Variants in INTS1 observed in about 807,000 individuals in gnomAD.
The protein encoded by INTS1 is integrator complex subunit 1.
In INTS1, 137 loss-of-function variants were observed where a neutral mutation model predicts 241.6. That is an observed-to-expected ratio of 0.57 (90% CI 0.49 to 0.65). The LOEUF is 0.65. Among genes scored for constraint, INTS1 ranks in the 30% least tolerant of loss-of-function variants. INTS1 has a pLI of 0.00. For synonymous variants in INTS1, 1,692 were observed against 1,337.8 expected (o/e 1.26, Z -5.78); for missense variants, 3,073 against 3,032.2 (o/e 1.01, Z -0.32).
At chr7:1,498,602 C>T (rs368213016) in intron 9 of INTS1, 49 bp from the exon 10 acceptor site, 62 of 1,596,788 alleles carry the variant, frequency 3.9e-5, no homozygotes, top group Middle Eastern at 2.1e-4. Flanking sequence ...CCTGTGCCCC[C>T]ACTCCGCCTG....
chr7:1,483,926 C>G, intron 25 of INTS1, 73 bp from the exon 26 acceptor site: 1 of 1,584,650 alleles, frequency 6.3e-7, no homozygotes, highest in Non-Finnish European at 8.6e-7. Flanking sequence ...ACCCAGCTGG[C>G]ACCGAGCGTG....
In INTS1 at chr7:1,499,456, C is replaced by CT. The variant is rs1261914826; in HGVS notation, c.844+16dup. On this transcript the variant is annotated intron_variant, in intron 6 of 47. Transcript: ENST00000404767. ...GGGCTTGGACACCCGCCCTCTCTGG[C>CT]TGGCCGTGTGTCTCACCTGCACCCA... is the stretch of plus-strand genomic sequence containing the variant. 1 of 1,350,398 alleles carries CT rather than the reference C, an allele frequency of 7.4e-7. No individual in the cohort carries two copies. Among genetic ancestry groups the CT allele is most frequent in the East Asian group, 4.4e-5 (1 of 22,546 alleles). The allele number at this position is 1,350,398 out of a possible 1,614,324, so 83.7% of individuals were successfully genotyped here.
chr7:1,484,490 G>C (rs919933496), intron 24 of INTS1, among the ~76,000 whole-genome samples: 1 of 152,202 alleles, frequency 6.6e-6, no homozygotes, highest in African/African-American at 2.4e-5. Context: ...ACTTTCACTA[G>C]GTCACAGCGC....
rs200805218 is a variant in INTS1 at position 1,484,056 on chromosome 7, G to A, written c.3376C>T (p.Arg1126Cys). Residue 1126 changes from arginine (R) to cysteine (C), a missense_variant, in exon 25 of 48, where the codon CGC becomes TGC. Coordinates refer to ENST00000404767, the MANE Select transcript of INTS1 (RefSeq NM_001080453.3). ...CTCTGCCGCATGCGCCTCACGTAGC[G>A]TGAGAAGATGGACAACAGAGCGCTC... is the stretch of plus-strand genomic sequence containing the variant. Reference protein sequence around the residue: ...VLSALLSIFSRYVRRMRQSKE... With the variant: ...VLSALLSIFSCYVRRMRQSKE... 184 of 1,612,378 alleles carry A rather than the reference G, an allele frequency of 1.1e-4. No individual in the cohort carries two copies. The highest frequency in any genetic ancestry group is 1.3e-4 in the Admixed American group (8 of 60,016).
In INTS1 at chr7:1,494,883, C is replaced by T. The variant is rs746283362; in HGVS notation, c.1843G>A (p.Val615Met). The change falls in exon 14 of 48, where the codon GTG becomes ATG. Residue 615 changes from valine (V) to methionine (M), a missense_variant. Transcript: ENST00000404767. ...GTCTCCGGCTGCTCTGTGAACAGCA[C>T]CTTGTGCAGGCTGGGCAGGCAGAGA... ...PKDYVHCLHKVLFTEQPETYY... is the reference protein window; with the variant it reads ...PKDYVHCLHKMLFTEQPETYY... 8 of 1,562,812 alleles carry T rather than the reference C, an allele frequency of 5.1e-6. No individual in the cohort carries two copies. The highest frequency in any genetic ancestry group is 6.1e-6 in the Non-Finnish European group (7 of 1,154,156).
At chr7:1,483,620 G>T in intron 26 of INTS1, 122 bp downstream of exon 26, 1 of 759,204 alleles carries the variant, frequency 1.3e-6, no homozygotes. Context: ...AGGACACAGG[G>T]TTGAAGGGCT....
chr7:1,484,984 T>C (rs1475754675), intron 24 of INTS1, 114 bp downstream of exon 24: 3 of 407,674 alleles, frequency 7.4e-6, no homozygotes, highest in Non-Finnish European at 4.5e-6. Context: ...GCTGGCCCCG[T>C]CCCCTCCCCA....
chr7:1,487,292 C>G, intron 20 of INTS1, 28 bp downstream of exon 20: 1 of 1,568,052 alleles, frequency 6.4e-7, no homozygotes. Context: ...AGACCACCAT[C>G]TCTACCTCCT....
intron 13 of INTS1, 144 bp from the exon 14 acceptor site, chr7:1,495,037 A>T: frequency 4.3e-6 from 4 of 931,680 alleles, no homozygotes; most frequent in Non-Finnish European, 6.6e-6. Flanking sequence ...ACCTCCTCAC[A>T]GCACCACCAA....
At chr7:1,472,189 G>T in intron 44 of INTS1, 84 bp downstream of exon 44, 1 of 1,048,488 alleles carries the variant, frequency 9.5e-7, no homozygotes, top group Non-Finnish European at 1.4e-6. Context: ...CAAAGTCAGT[G>T]CCCAAATGGC....
At chr7:1,479,825 GC>G in intron 30 of INTS1, 141 bp from the exon 31 acceptor site, 1 of 946,478 alleles carries the variant, frequency 1.1e-6, no homozygotes, top group Non-Finnish European at 1.5e-6. Flanking sequence ...CCACCTTGTG[GC>G]CTGAGGGGCC....
Position 1,474,208 on chromosome 7 carries a change from GC to G in INTS1, c.5788del (p.Ala1930ArgfsTer14). Reference protein sequence around the residue: ...PHVFRSEHQGALWDCLLSFIR... With the variant: ...PHVFRSEHQGXLWDCLLSFIR... ...GAAGGACAGAAGGCAGTCCCACAGCGCCCCCTGGTGCTCGCTGCGGAACACG... is the reference window on the plus strand; with the variant it reads ...GAAGGACAGAAGGCAGTCCCACAGCGCCCCTGGTGCTCGCTGCGGAACACG... On this transcript the variant is annotated frameshift_variant, in exon 41 of 48. Transcript: ENST00000404767. LOFTEE classifies it high-confidence loss of function. 5 of 1,590,710 alleles carry G rather than the reference GC, an allele frequency of 3.1e-6. No homozygotes were observed. The highest frequency in any genetic ancestry group is 1.7e-6 in the Non-Finnish European group (2 of 1,170,294).
chr7:1,493,630 G>A lies in INTS1; in HGVS notation c.2068+124C>T, dbSNP rs1782697705. 2.3e-6 allele frequency: 3 copies of A among 1,301,482 alleles called. No homozygotes were observed. The highest frequency in any genetic ancestry group is 5.3e-5 in the East Asian group (2 of 37,676). 80.6% of individuals were successfully genotyped at this position (1,301,482 alleles called of 1,614,324 possible). ...AAGGCAGGTCCCCGAGCCTCCCGGG[G>A]ACCCAGGACCCAGCTGAAGCGCAGC... On this transcript the variant is annotated intron_variant, in intron 15 of 47. Transcript: ENST00000404767. The surrounding 1 kb of genome is among the most constrained non-coding windows in gnomAD (Gnocchi z 5.3).
chr7:1,475,353 C>A (rs1362542418), intron 39 of INTS1, among the ~76,000 whole-genome samples: 1 of 152,094 alleles, frequency 6.6e-6, no homozygotes, highest in Non-Finnish European at 1.5e-5. Context: ...CCGCTGCACT[C>A]CAGCCTTGGC....
intron 18 of INTS1, 49 bp from the exon 19 acceptor site, chr7:1,488,006 A>G (rs1183512680): frequency 6.3e-7 from 1 of 1,587,942 alleles, no homozygotes; most frequent in African/African-American, 1.3e-5. Flanking sequence ...TGAAGGGCTC[A>G]CTCCCAGTGG....
intron 31 of INTS1, 92 bp downstream of exon 31, chr7:1,479,338 A>G (rs1781882418): frequency 7.1e-7 from 1 of 1,405,668 alleles, no homozygotes. Context: ...CCCAAGACCC[A>G]CAGAGGAGCA....
In INTS1 at chr7:1,478,449, A is replaced by C; in HGVS notation, c.4547T>G (p.Val1516Gly). ...GACGGCACGGACGGTGGAGCTGACC[A>C]CCTCCAGGTCCTGACGGAAGGCCAG... The part of the protein sequence containing the change: ...EALAFRQDLE[V>G]VSSTVRAVIA... Residue 1516 changes from valine (V) to glycine (G), a missense_variant, in exon 33 of 48, where the codon GTG becomes GGG. Coordinates refer to ENST00000404767, the MANE Select transcript of INTS1 (RefSeq NM_001080453.3). The C allele has an allele frequency of 2.5e-6, 4 of 1,612,256 alleles. No individual in the cohort carries two copies. In the Admixed American group the frequency reaches 6.7e-5, roughly 27 times the overall value.
Position 1,470,624 on chromosome 7 carries a change from G to A in INTS1, c.6526C>T (p.Gln2176Ter). The change falls in exon 48 of 48, where the codon CAG becomes TAG. Residue 2176 changes from glutamine to a stop codon, truncating the protein, a stop_gained. Coordinates refer to ENST00000404767, the MANE Select transcript of INTS1 (RefSeq NM_001080453.3). LOFTEE classifies it high-confidence loss of function. The part of the protein sequence containing the change: ...GMYGQMDPSA[Q>*]ISEALRILHM... ...AGGATCCTCAGGGCCTCGGAGATCTGCGCGCTGGGGTCCATCTGGCCGTAC... is the reference window on the plus strand; with the variant it reads ...AGGATCCTCAGGGCCTCGGAGATCTACGCGCTGGGGTCCATCTGGCCGTAC... 6.3e-7 allele frequency: 1 copy of A among 1,587,364 alleles called. No individual in the cohort carries two copies. Among genetic ancestry groups the A allele is most frequent in the Non-Finnish European group, 8.6e-7 (1 of 1,167,884 alleles).
At chr7:1,489,791 C>G (rs4380839) in intron 16 of INTS1, 109 bp from the exon 17 acceptor site, 2 of 729,848 alleles carry the variant, frequency 2.7e-6, no homozygotes, top group Non-Finnish European at 4.4e-6. Context: ...GCTCCCAGCT[C>G]CTCCCGGGAC....
Sources: allele counts gnomAD v4.1 joint callset (sites outside exome capture counted in the v4.1 genomes callset), GRCh38; gene constraint gnomAD v4.1.1; non-coding constraint Gnocchi (gnomAD v3.1); transcripts MANE v1.5; gene names NCBI Gene and HGNC (gene_info 2026-07-23, HGNC 2026-07-21).